RABGAP1L: variants seen among roughly 807,000 people sequenced by gnomAD.
RABGAP1L encodes rab GTPase-activating protein 1-like.
Under a neutral mutation model 137.7 loss-of-function variants are expected in RABGAP1L, and 63 were observed. The observed-to-expected ratio is 0.46, with a 90% confidence interval of 0.37 to 0.56. RABGAP1L has a LOEUF of 0.56. Among genes scored for constraint, RABGAP1L ranks in the 20% least tolerant of loss-of-function variants. The pLI is 0.00. For missense variants in RABGAP1L, 1,095 were observed against 1,244.0 expected (o/e 0.88, Z 1.80); for synonymous variants, 431 against 433.7 (o/e 0.99, Z 0.08).
At chr1:174,392,431 G>A (rs1045923118) in intron 12 of RABGAP1L, among the ~76,000 whole-genome samples, 1 of 152,126 alleles carries the variant, frequency 6.6e-6, no homozygotes, top group African/African-American at 2.4e-5. Flanking sequence ...TTTAAGGTAT[G>A]GTAGCACGTT....
chr1:174,685,702 T>G (rs1415922314), intron 15 of RABGAP1L, among the ~76,000 whole-genome samples: 1 of 152,016 alleles, frequency 6.6e-6, no homozygotes, highest in Admixed American at 6.5e-5. Flanking sequence ...TAGCTGAGAT[T>G]ACAGGCATGC....
intron 10 of RABGAP1L, among the ~76,000 whole-genome samples, chr1:174,304,382 T>C (rs1466947301): frequency 1.3e-5 from 2 of 151,790 alleles, no homozygotes; most frequent in Admixed American, 6.6e-5. Flanking sequence ...TGAAATTGTT[T>C]TATGTATATG....
intron 13 of RABGAP1L, among the ~76,000 whole-genome samples, chr1:174,540,375 A>G (rs538442356): frequency 9.2e-5 from 14 of 152,314 alleles, no homozygotes; most frequent in South Asian, 4.1e-4. Flanking sequence ...GCCCATGCCA[A>G]TGTCCTAAAT....
At chr1:174,840,477 C>CT (rs1200610531) in intron 19 of RABGAP1L, among the ~76,000 whole-genome samples, 1 of 152,024 alleles carries the variant, frequency 6.6e-6, no homozygotes, top group African/African-American at 2.4e-5. Flanking sequence ...GATTTGTGTA[C>CT]TAGCAGCAGG....
chr1:174,962,474 T>A (rs1669241960), intron 20 of RABGAP1L, among the ~76,000 whole-genome samples: 1 of 152,210 alleles, frequency 6.6e-6, no homozygotes, highest in Non-Finnish European at 1.5e-5. Flanking sequence ...AAGAAAATGA[T>A]TCCTCTATGT....
intron 13 of RABGAP1L, among the ~76,000 whole-genome samples, chr1:174,499,038 A>AT (rs1315621960): frequency 6.6e-6 from 1 of 151,368 alleles, no homozygotes; most frequent in Admixed American, 6.6e-5. Context: ...TTACCCCCTC[A>AT]TTTTTTTTCA....
At chr1:174,491,116 C>G (rs760564878) in intron 13 of RABGAP1L, among the ~76,000 whole-genome samples, 1 of 151,940 alleles carries the variant, frequency 6.6e-6, no homozygotes, top group East Asian at 1.9e-4. Context: ...TTTACTTTTT[C>G]CTCTGCTTTC....
At chr1:174,183,524 C>A (rs1666548867) in intron 1 of RABGAP1L, among the ~76,000 whole-genome samples, 1 of 152,190 alleles carries the variant, frequency 6.6e-6, no homozygotes, top group Non-Finnish European at 1.5e-5. Flanking sequence ...TACCCCTGCC[C>A]TTACACAACG....
chr1:174,306,598 C>T (rs1558118105), intron 11 of RABGAP1L, among the ~76,000 whole-genome samples: 1 of 152,116 alleles, frequency 6.6e-6, no homozygotes, highest in Non-Finnish European at 1.5e-5. Flanking sequence ...AAATGATCTC[C>T]TGTGACTTTA....
At chr1:174,825,441 G>A (rs945419060) in intron 19 of RABGAP1L, among the ~76,000 whole-genome samples, 2 of 152,196 alleles carry the variant, frequency 1.3e-5, no homozygotes, top group African/African-American at 4.8e-5. Flanking sequence ...AGTTTTAGCT[G>A]AAGTTTCTTA....
At chr1:174,170,849 C>T (rs983347495) in intron 1 of RABGAP1L, among the ~76,000 whole-genome samples, 8 of 151,870 alleles carry the variant, frequency 5.3e-5, no homozygotes, top group African/African-American at 1.9e-4. Context: ...ATAAGATGTA[C>T]AAAAGAACAC....
intron 19 of RABGAP1L, among the ~76,000 whole-genome samples, chr1:174,878,860 G>C (rs1297364419): frequency 6.7e-6 from 1 of 149,110 alleles, no homozygotes; most frequent in East Asian, 2.0e-4. Flanking sequence ...AGAAAAATTT[G>C]AATTTGACCA....
In RABGAP1L at chr1:174,907,292, A is replaced by G. The variant is rs192811807; in HGVS notation, c.2341-50165A>G. Among the ~76,000 whole-genome samples the G allele has an allele frequency of 1.1e-4, 16 of 152,178 alleles. No individual in the cohort carries two copies. The East Asian group carries it at 2.9e-3, about 27-fold the overall frequency. ...TTATTTTGCCTGTTTCTGTTCTTTT[A>G]TTTGTGATCCAAGATAAGTTGTCTT... On this transcript the variant is annotated intron_variant, in intron 19 of 25. Coordinates refer to ENST00000681986, the MANE Select transcript of RABGAP1L (RefSeq NM_001366446.1).
At chr1:174,827,036 G>A (rs545330128) in intron 19 of RABGAP1L, among the ~76,000 whole-genome samples, 1 of 152,132 alleles carries the variant, frequency 6.6e-6, no homozygotes, top group Non-Finnish European at 1.5e-5. Context: ...TTCTTTTGAG[G>A]CCTCTCTTCT....
chr1:174,402,752 C>G (rs1229194274), intron 13 of RABGAP1L, among the ~76,000 whole-genome samples: 1 of 152,134 alleles, frequency 6.6e-6, no homozygotes, highest in South Asian at 2.1e-4. Flanking sequence ...GACCTTGTTC[C>G]TGTGTAGAAA....
chr1:174,361,075 T>C (rs1043885471), intron 11 of RABGAP1L, among the ~76,000 whole-genome samples: 12 of 152,246 alleles, frequency 7.9e-5, no homozygotes, highest in African/African-American at 2.6e-4. Context: ...GAGAATGGCA[T>C]GAACCCGGGA....
At chr1:174,946,144 T>G (rs1666727437) in intron 19 of RABGAP1L, among the ~76,000 whole-genome samples, 1 of 152,146 alleles carries the variant, frequency 6.6e-6, no homozygotes, top group South Asian at 2.1e-4. Flanking sequence ...GGCAGATATC[T>G]TAGGTTCATT....
intron 13 of RABGAP1L, among the ~76,000 whole-genome samples, chr1:174,400,547 T>C (rs1247881786): frequency 1.3e-5 from 2 of 152,198 alleles, no homozygotes; most frequent in Non-Finnish European, 2.9e-5. Context: ...GTTTTTCTTT[T>C]CCATCAACTA....
At chr1:174,784,262 G>A (rs1449906570) in intron 18 of RABGAP1L, among the ~76,000 whole-genome samples, 4 of 151,756 alleles carry the variant, frequency 2.6e-5, no homozygotes, top group Non-Finnish European at 4.4e-5. Flanking sequence ...CTCGTGATCC[G>A]CCCACCTCGG....
Sources: allele counts gnomAD v4.1 joint callset (sites outside exome capture counted in the v4.1 genomes callset), GRCh38; gene constraint gnomAD v4.1.1; transcripts MANE v1.5; gene names NCBI Gene and HGNC (gene_info 2026-07-23, HGNC 2026-07-21).